The following NLGN1 variants were observed in gnomAD, a reference collection of about 807,000 sequenced individuals.
NLGN1 encodes neuroligin-1.
NLGN1 carries 12 observed loss-of-function variants against 65.5 expected under a neutral mutation model. That is an observed-to-expected ratio of 0.18 (90% CI 0.12 to 0.30). NLGN1 has a LOEUF of 0.30. Ranked by LOEUF, NLGN1 falls within the 10% of genes least tolerant of loss-of-function variation. NLGN1 has a pLI of 1.00. For synonymous variants in NLGN1, 350 were observed against 359.5 expected (o/e 0.97, Z 0.30); for missense variants, 750 against 1,007.1 (o/e 0.74, Z 3.46).
At chr3:174,067,800 T>C (rs1738961649) in intron 4 of NLGN1, among the ~76,000 whole-genome samples, 1 of 152,138 alleles carries the variant, frequency 6.6e-6, no homozygotes, top group South Asian at 2.1e-4. Context: ...GAAAATACTT[T>C]GGGGCACCTG....
intron 4 of NLGN1, among the ~76,000 whole-genome samples, chr3:173,866,993 A>C (rs922729506): frequency 1.1e-4 from 16 of 152,296 alleles, no homozygotes; most frequent in African/African-American, 3.8e-4. Flanking sequence ...GTATCTTTGA[A>C]TGTGTATGGC....
chr3:173,468,880 G>A (rs1349905102), intron 2 of NLGN1, among the ~76,000 whole-genome samples: 5 of 152,068 alleles, frequency 3.3e-5, no homozygotes, highest in Non-Finnish European at 7.4e-5. Flanking sequence ...GGAATTAAAA[G>A]CCAGTGCATA....
intron 3 of NLGN1, among the ~76,000 whole-genome samples, chr3:173,692,135 T>C (rs1043077705): frequency 2.0e-5 from 3 of 152,148 alleles, no homozygotes; most frequent in African/African-American, 7.2e-5. Flanking sequence ...ATTATAATTC[T>C]CTTTTCATTT....
At chr3:173,769,074 G>A (rs937250698) in intron 3 of NLGN1, among the ~76,000 whole-genome samples, 5 of 152,012 alleles carry the variant, frequency 3.3e-5, no homozygotes, top group Admixed American at 6.6e-5. Flanking sequence ...CATTTTAACC[G>A]ACCTAGATTG....
intron 3 of NLGN1, 54 bp downstream of exon 3, chr3:173,605,647 C>A: frequency 1.2e-6 from 1 of 825,842 alleles, no homozygotes; most frequent in Non-Finnish European, 1.8e-6. Context: ...AGAGGAAGAA[C>A]AAGATACTCT....
At chr3:173,658,654 G>T (rs1457996775) in intron 3 of NLGN1, among the ~76,000 whole-genome samples, 1 of 151,918 alleles carries the variant, frequency 6.6e-6, no homozygotes, top group Admixed American at 6.6e-5. Context: ...ACTTTGCTTT[G>T]GTTCATTCAA....
intron 3 of NLGN1, among the ~76,000 whole-genome samples, chr3:173,777,393 A>G (rs1780457277): frequency 6.6e-6 from 1 of 151,802 alleles, no homozygotes; most frequent in South Asian, 2.1e-4. Context: ...TTTTTAATTG[A>G]TATATAGTAA....
intron 4 of NLGN1, among the ~76,000 whole-genome samples, chr3:173,929,173 G>A (rs559357271): frequency 6.6e-5 from 10 of 152,224 alleles, no homozygotes; most frequent in Admixed American, 6.5e-4. Context: ...AAACTTACAT[G>A]AAGTTCTTAC....
At chr3:174,153,554 T>C (rs1724806783) in intron 4 of NLGN1, among the ~76,000 whole-genome samples, 1 of 152,166 alleles carries the variant, frequency 6.6e-6, no homozygotes, top group South Asian at 2.1e-4. Flanking sequence ...ATACTTATGT[T>C]TTCATGATTT....
intron 3 of NLGN1, among the ~76,000 whole-genome samples, chr3:173,768,988 T>C (rs1019078282): frequency 5.8e-4 from 88 of 152,044 alleles, no homozygotes; most frequent in African/African-American, 2.1e-3. Flanking sequence ...CAGGCTGGTG[T>C]TGAAATCCTG....
chr3:173,809,096 G>A (rs1217543609), intron 4 of NLGN1, among the ~76,000 whole-genome samples: 4 of 75,878 alleles, frequency 5.3e-5, no homozygotes, highest in African/African-American at 9.3e-5. Flanking sequence ...GACCATAGAT[G>A]CACTGCGTAA....
chr3:173,787,570 A>T (rs1055768937), intron 3 of NLGN1, among the ~76,000 whole-genome samples: 2 of 152,222 alleles, frequency 1.3e-5, no homozygotes, highest in African/African-American at 4.8e-5. Context: ...GATTTGAGAC[A>T]TTTTAATAGC....
intron 3 of NLGN1, among the ~76,000 whole-genome samples, chr3:173,708,684 G>A (rs1768443923): frequency 6.6e-6 from 1 of 152,110 alleles, no homozygotes; most frequent in Admixed American, 6.5e-5. Flanking sequence ...AGAAATACAG[G>A]ATGGCAGAGA....
intron 4 of NLGN1, among the ~76,000 whole-genome samples, chr3:173,911,985 C>A (rs576260365): frequency 6.6e-5 from 10 of 152,084 alleles, no homozygotes; most frequent in Non-Finnish European, 1.2e-4. Context: ...GTTGTATTTA[C>A]AATGTGCTAA....
At chr3:173,665,827 G>A (rs2149710276) in intron 3 of NLGN1, among the ~76,000 whole-genome samples, 1 of 152,196 alleles carries the variant, frequency 6.6e-6, no homozygotes, top group Non-Finnish European at 1.5e-5. Context: ...AATTCTCTTG[G>A]TACATTGTTT....
intron 4 of NLGN1, among the ~76,000 whole-genome samples, chr3:173,990,578 C>A (rs1355091283): frequency 1.3e-5 from 2 of 151,976 alleles, no homozygotes; most frequent in African/African-American, 4.8e-5. Context: ...TTTTAAATAT[C>A]ATTTGATGCA....
intron 1 of NLGN1, among the ~76,000 whole-genome samples, chr3:173,427,971 T>C (rs1219250186): frequency 1.3e-5 from 2 of 151,840 alleles, no homozygotes; most frequent in Non-Finnish European, 2.9e-5. Flanking sequence ...TAATATTTGC[T>C]TTATATATTT....
intron 2 of NLGN1, among the ~76,000 whole-genome samples, chr3:173,589,561 G>A (rs895639608): frequency 1.3e-5 from 2 of 152,188 alleles, no homozygotes; most frequent in Non-Finnish European, 1.5e-5. Flanking sequence ...TTGGGGAAGA[G>A]ATTGAATATT....
At chr3:174,235,044 C>T (rs547972365) in intron 4 of NLGN1, among the ~76,000 whole-genome samples, 2 of 83,584 alleles carry the variant, frequency 2.4e-5, no homozygotes, top group Admixed American at 1.9e-4. Flanking sequence ...ATTCTAGTGA[C>T]AGCCAGTTTT....
Sources: gnomAD v4.1 joint callset for allele counts (sites outside exome capture counted in the v4.1 genomes callset) on GRCh38, gnomAD v4.1.1 for gene constraint, MANE v1.5 for transcripts, NCBI Gene and HGNC (gene_info 2026-07-23, HGNC 2026-07-21) for gene names.